The following ADGRL4 variants were observed in gnomAD, a reference collection of about 807,000 sequenced individuals.
ADGRL4 encodes adhesion G protein-coupled receptor L4, also known as EGF, latrophilin and seven transmembrane domain containing 1.
A neutral mutation model predicts 74.8 loss-of-function variants in ADGRL4; 90 were observed. The ratio of observed to expected loss-of-function variants is 1.20; its 90% CI spans 1.02 to 1.43. The LOEUF (loss-of-function observed/expected upper bound fraction) is 1.43. Among genes scored for constraint, ADGRL4 ranks in the 40% most tolerant of loss-of-function variants. ADGRL4 has a pLI of 0.00. For synonymous variants in ADGRL4, 311 were observed against 279.2 expected (o/e 1.11, Z -1.14); for missense variants, 881 against 814.3 (o/e 1.08, Z -1.00).
At chr1:78,907,546 TAA>T (rs1030885712) in intron 12 of ADGRL4, among the ~76,000 whole-genome samples, 2 of 152,036 alleles carry the variant, frequency 1.3e-5, no homozygotes, top group African/African-American at 4.8e-5. Context: ...TGTAGAATGA[TAA>T]AAGTTTTCCA....
At chr1:78,956,540 C>T (rs1411430555) in intron 2 of ADGRL4, among the ~76,000 whole-genome samples, 2 of 152,106 alleles carry the variant, frequency 1.3e-5, no homozygotes, top group Non-Finnish European at 2.9e-5. Flanking sequence ...TTTGGTAAGG[C>T]AAGAGCCTAA....
chr1:78,996,841 G>A (rs949248634), intron 2 of ADGRL4, among the ~76,000 whole-genome samples: 3 of 152,042 alleles, frequency 2.0e-5, no homozygotes, highest in African/African-American at 4.8e-5. Context: ...AATACTTTAG[G>A]TTTGTTTCAC....
chr1:78,950,961 G>T (rs373768458), intron 2 of ADGRL4, among the ~76,000 whole-genome samples: 1 of 152,170 alleles, frequency 6.6e-6, no homozygotes, highest in South Asian at 2.1e-4. Context: ...TTCAGAAGAC[G>T]TATCAATAGT....
chr1:78,976,856 A>G (rs79007594), intron 2 of ADGRL4, among the ~76,000 whole-genome samples: 2,159 of 151,438 alleles, frequency 0.014, 30 homozygotes, highest in Middle Eastern at 0.045. Flanking sequence ...AACATTTAAG[A>G]AAAAAATACT....
At chr1:78,939,630 A>G (rs1382889501) in intron 3 of ADGRL4, 2 of 153,348 alleles carry the variant, frequency 1.3e-5, no homozygotes, top group South Asian at 2.1e-4. Flanking sequence ...CATACATAAA[A>G]TTTAATAATG....
rs1372494315 is a variant in ADGRL4, at chr1:78,891,509, T to C, written c.2010+15A>G. ...ATGAATATACTAGGAACCACCAAAA[T>C]AAGAAATTGTTTACCTTTCTAGATA... On this transcript the variant is annotated intron_variant, in intron 14 of 14. Coordinates refer to ENST00000370742, the MANE Select transcript of ADGRL4 (RefSeq NM_022159.4). 6 of 1,607,216 alleles carry C rather than the reference T, an allele frequency of 3.7e-6. No individual in the cohort carries two copies. Among genetic ancestry groups the C allele is most frequent in the Middle Eastern group, 1.7e-4 (1 of 6,026 alleles).
chr1:78,896,932 A>G (rs1358928945), intron 12 of ADGRL4, among the ~76,000 whole-genome samples: 1 of 152,140 alleles, frequency 6.6e-6, no homozygotes, highest in Non-Finnish European at 1.5e-5. Context: ...CCCATGCACC[A>G]TGCCATAGGG....
chr1:78,938,259 A>C lies in ADGRL4; in HGVS notation c.417T>G (p.Pro139=). 1 of 1,602,464 alleles carries C rather than the reference A, an allele frequency of 6.2e-7. No individual in the cohort carries two copies. The highest frequency in any genetic ancestry group is 1.1e-5 in the South Asian group (1 of 87,688). Residue 139 remains proline (P), a synonymous_variant, in exon 5 of 15, where the codon CCT becomes CCG. Coordinates refer to ENST00000370742, the MANE Select transcript of ADGRL4 (RefSeq NM_022159.4). ...TLTKIRSIKE[P]VALLQEVYRN... Reference sequence around the variant, plus strand: ...TATAGACTTCTTGTAGCAAAGCCACAGGTTCTTTTATGGATCTGATCTGAG... The same window carrying C: ...TATAGACTTCTTGTAGCAAAGCCACCGGTTCTTTTATGGATCTGATCTGAG...
intron 2 of ADGRL4, among the ~76,000 whole-genome samples, chr1:79,001,727 G>C (rs2100743579): frequency 6.6e-6 from 1 of 152,184 alleles, no homozygotes; most frequent in South Asian, 2.1e-4. Context: ...TTATACTGTT[G>C]TTATGCTAAT....
At chr1:78,902,629 T>G (rs976167389) in intron 12 of ADGRL4, among the ~76,000 whole-genome samples, 4 of 152,172 alleles carry the variant, frequency 2.6e-5, no homozygotes, top group African/African-American at 9.6e-5. Flanking sequence ...CATCTACAAT[T>G]TTAAGAATTT....
intron 7 of ADGRL4, among the ~76,000 whole-genome samples, chr1:78,927,664 A>T (rs114796469): frequency 0.016 from 2,469 of 152,054 alleles, 85 homozygotes; most frequent in African/African-American, 0.057. Flanking sequence ...GTCCCCTAAA[A>T]CTCCCCAAAT....
chr1:78,976,707 CACAA>C (rs143919247), intron 2 of ADGRL4, among the ~76,000 whole-genome samples: 13,515 of 150,918 alleles, frequency 0.09, 800 homozygotes, highest in East Asian at 0.34. Context: ...CCATAAAAAA[CACAA>C]ACAATCAAAG....
intron 12 of ADGRL4, among the ~76,000 whole-genome samples, chr1:78,915,542 C>T (rs2100666706): frequency 6.6e-6 from 1 of 151,946 alleles, no homozygotes; most frequent in African/African-American, 2.4e-5. Flanking sequence ...TAATAGAGAA[C>T]ATTGTCCTCC....
chr1:78,944,931 G>A (rs1306767575), intron 3 of ADGRL4, among the ~76,000 whole-genome samples: 1 of 152,024 alleles, frequency 6.6e-6, no homozygotes, highest in Admixed American at 6.6e-5. Flanking sequence ...TTGAGAGGCT[G>A]AGGTGGGCAG....
rs1172846708 is a variant in ADGRL4 at position 78,891,147 on chromosome 1, T to C, written c.*7A>G. On this transcript the variant is annotated 3_prime_UTR_variant, in exon 15 of 15. Transcript: ENST00000370742. ...GTGCAGTTGTAATTATCCACCATTC[T>C]CTATGTTTACCTTAAACATCCAAAA... 6.2e-7 allele frequency: 1 copy of C among 1,611,502 alleles called. No homozygotes were observed.
At chr1:78,959,576 T>C (rs1649903664) in intron 2 of ADGRL4, among the ~76,000 whole-genome samples, 1 of 152,184 alleles carries the variant, frequency 6.6e-6, no homozygotes, top group Non-Finnish European at 1.5e-5. Context: ...CTAGGCAAAA[T>C]GTCAGAACAT....
intron 12 of ADGRL4, among the ~76,000 whole-genome samples, chr1:78,903,332 A>T (rs909194745): frequency 1.3e-5 from 2 of 152,196 alleles, no homozygotes; most frequent in African/African-American, 2.4e-5. Flanking sequence ...GTTAAAATTC[A>T]TACTACTAAG....
At chr1:78,956,441 T>G (rs1274496316) in intron 2 of ADGRL4, among the ~76,000 whole-genome samples, 1 of 152,172 alleles carries the variant, frequency 6.6e-6, no homozygotes, top group African/African-American at 2.4e-5. Flanking sequence ...AGTTTATTTA[T>G]GAGTCAACAA....
In ADGRL4 at chr1:78,973,092, C is replaced by G. The variant is rs144685754; in HGVS notation, c.173-26666G>C. ...CTCCTTTAACTCCTTTGTTTTCCTT[C>G]CAGTTTTAGTCTTTTTTCCTTAGGA... is the stretch of plus-strand genomic sequence containing the variant. On this transcript the variant is annotated intron_variant, in intron 2 of 14. Coordinates refer to ENST00000370742, the MANE Select transcript of ADGRL4 (RefSeq NM_022159.4). Among the ~76,000 whole-genome samples the G allele has an allele frequency of 3.3e-5, 5 of 152,234 alleles. No individual in the cohort carries two copies. In the East Asian group the frequency reaches 9.7e-4, roughly 29 times the overall value.
Sources: allele counts gnomAD v4.1 joint callset (sites outside exome capture counted in the v4.1 genomes callset), GRCh38; gene constraint gnomAD v4.1.1; transcripts MANE v1.5; gene names NCBI Gene and HGNC (gene_info 2026-07-23, HGNC 2026-07-21).